SLC26A7: variants seen among roughly 807,000 people sequenced by gnomAD.
SLC26A7 encodes anion exchange transporter.
Under a neutral mutation model 82.5 loss-of-function variants are expected in SLC26A7, and 59 were observed. The ratio of observed to expected loss-of-function variants is 0.72; its 90% CI spans 0.58 to 0.89. SLC26A7 has a LOEUF of 0.89. Ranked by LOEUF, SLC26A7 falls within the 40% of genes least tolerant of loss-of-function variation. The probability of loss-of-function intolerance (pLI) is 0.00; values close to 1 mark genes in which losing one functional copy is unlikely to be tolerated. For missense variants in SLC26A7, 820 were observed against 793.0 expected, an observed-to-expected ratio of 1.03 and a Z score of -0.41; for synonymous variants, 271 against 274.3, an observed-to-expected ratio of 0.99 and a Z score of 0.12.
At chr8:91,282,626 C>G (rs1811604184) in intron 2 of SLC26A7, among the ~76,000 whole-genome samples, 1 of 152,164 alleles carries the variant, frequency 6.6e-6, no homozygotes, top group African/African-American at 2.4e-5. Flanking sequence ...CCAACTCTAA[C>G]CTGATTGTAG....
chr8:91,360,849 T>A (rs1292142713), intron 11 of SLC26A7, among the ~76,000 whole-genome samples: 1 of 152,132 alleles, frequency 6.6e-6, no homozygotes, highest in Admixed American at 6.6e-5. Flanking sequence ...AGAGTCATCA[T>A]GGGAAGCTAA....
rs138959010 is a variant in SLC26A7 at position 91,394,611 on chromosome 8, G to A, written c.1936-451G>A. The stretch of plus-strand genomic sequence containing the variant: ...ATTGTTTTGCCTTTCCTCACCCCTA[G>A]AATAACATTTGGTGCCTCGCAGAGT... On this transcript the variant is annotated intron_variant, in intron 18 of 18. Coordinates refer to ENST00000276609, the MANE Select transcript of SLC26A7 (RefSeq NM_052832.4). 156 of 1,157,894 alleles carry A rather than the reference G, an allele frequency of 1.3e-4. 2 individuals are homozygous for A. In the East Asian group the frequency reaches 7.7e-3, roughly 57 times the overall value. 71.7% of individuals were successfully genotyped at this position (1,157,894 alleles called of 1,614,324 possible).
At chr8:91,302,048 A>T (rs1203438327) in intron 4 of SLC26A7, among the ~76,000 whole-genome samples, 1 of 151,952 alleles carries the variant, frequency 6.6e-6, no homozygotes, top group Non-Finnish European at 1.5e-5. Flanking sequence ...GTGTTATTTC[A>T]TTGCAGTCAG....
chr8:91,323,679 T>C (rs2130815692), intron 5 of SLC26A7, among the ~76,000 whole-genome samples: 1 of 152,306 alleles, frequency 6.6e-6, no homozygotes, highest in South Asian at 2.1e-4. Context: ...AGTTATTGAT[T>C]AGAAATTGGG....
chr8:91,378,345 A>G (rs1217014991), intron 15 of SLC26A7, among the ~76,000 whole-genome samples: 1 of 147,760 alleles, frequency 6.8e-6, no homozygotes, highest in Non-Finnish European at 1.5e-5. Flanking sequence ...TGAAATATAT[A>G]ATTACATTAT....
At chr8:91,260,240 G>A (rs1353152976) in intron 2 of SLC26A7, among the ~76,000 whole-genome samples, 1 of 152,100 alleles carries the variant, frequency 6.6e-6, no homozygotes, top group Admixed American at 6.6e-5. Context: ...AAGGCAGCAG[G>A]AGAGAGAAGA....
chr8:91,341,646 T>C lies in SLC26A7; in HGVS notation c.1026+1095T>C, dbSNP rs554167668. ...GTACAAGTGATAAAATGGTGAGCAA[T>C]GCAGACCATGTCTTTCTTTTACTCG... On this transcript the variant is annotated intron_variant, in intron 8 of 18. Transcript: ENST00000276609. Among the ~76,000 whole-genome samples, 10 of 152,318 alleles carry C rather than the reference T, an allele frequency of 6.6e-5. No individual in the cohort carries two copies. In the South Asian group the frequency reaches 1.7e-3, roughly 25 times the overall value.
At position 91,285,796 on chromosome 8, in the gene SLC26A7, A is replaced by G. The variant is rs148715888; in HGVS notation, c.194-3340A>G. Among the ~76,000 whole-genome samples, 1,012 of 152,314 alleles carry G rather than the reference A, an allele frequency of 6.6e-3. 7 individuals are homozygous for G. Among genetic ancestry groups the G allele is most frequent in the Non-Finnish European group, 9.4e-3 (637 of 68,014 alleles). The stretch of plus-strand genomic sequence containing the variant: ...AGTGCTTCTAAGTCCTAGCTGTCTG[A>G]TCTTACAATAAAAAGGTAAGGCTGC... On this transcript the variant is annotated intron_variant, in intron 2 of 18. Coordinates refer to ENST00000276609, the MANE Select transcript of SLC26A7 (RefSeq NM_052832.4).
chr8:91,211,723 G>T (rs536085779), intron 1 of SLC26A7, among the ~76,000 whole-genome samples: 1 of 151,052 alleles, frequency 6.6e-6, no homozygotes, highest in East Asian at 1.9e-4. Context: ...GACCTTTAGA[G>T]CAAATACTTT....
intron 1 of SLC26A7, 35 bp from the exon 2 acceptor site, chr8:91,249,504 T>TCC: frequency 2.0e-6 from 1 of 498,402 alleles, no homozygotes; most frequent in Non-Finnish European, 3.4e-6. Flanking sequence ...AATCTCTCTC[T>TCC]CTCTCTCTCT....
rs374558658 is a variant in SLC26A7 at position 91,393,960 on chromosome 8, A to G, written c.1856A>G (p.Tyr619Cys). ...CTASLIKAMTYYGNLDSEKPI... is the reference protein window; with the variant it reads ...CTASLIKAMTCYGNLDSEKPI... ...GCTTCCTTGATAAAAGCAATGACGT[A>G]TTATGGAAACCTAGACTCAGAGAAA... Residue 619 changes from tyrosine to cysteine, a missense_variant, in exon 18 of 19, where the codon TAT becomes TGT. Coordinates refer to ENST00000276609, the MANE Select transcript of SLC26A7 (RefSeq NM_052832.4). 1.1e-5 allele frequency: 18 copies of G among 1,613,636 alleles called. No individual in the cohort carries two copies. The African/African-American group carries it at 2.3e-4, about 20-fold the overall frequency.
At chr8:91,355,309 C>T (rs908529526) in intron 11 of SLC26A7, among the ~76,000 whole-genome samples, 4 of 152,094 alleles carry the variant, frequency 2.6e-5, no homozygotes, top group Non-Finnish European at 2.9e-5. Context: ...ATCTTTTGAT[C>T]GCATAATCAG....
intron 2 of SLC26A7, among the ~76,000 whole-genome samples, chr8:91,266,113 A>G (rs1446859809): frequency 1.3e-5 from 2 of 151,570 alleles, no homozygotes; most frequent in South Asian, 2.1e-4. Flanking sequence ...TGATTTTTGT[A>G]TATTATGTTG....
chr8:91,210,744 C>CATA (rs770122562), intron 1 of SLC26A7, among the ~76,000 whole-genome samples: 44 of 151,972 alleles, frequency 2.9e-4, no homozygotes, highest in Non-Finnish European at 6.2e-4. Context: ...AAAACAGCAA[C>CATA]ATAATGGCAT....
At chr8:91,245,572 G>A (rs900946237), upstream of SLC26A7, among the ~76,000 whole-genome samples, 1 of 152,022 alleles carries the variant, frequency 6.6e-6, no homozygotes, top group South Asian at 2.1e-4. Flanking sequence ...TCAACTTCCT[G>A]AGGTAGGTAT....
Position 91,354,071 on chromosome 8 carries a change from T to TA in SLC26A7, c.1314+1076dup, listed in dbSNP as rs530036530. On this transcript the variant is annotated intron_variant, in intron 11 of 18. Transcript: ENST00000276609. The stretch of plus-strand genomic sequence containing the variant: ...TGAGACTTGAAGGAACAGTATTTTG[T>TA]AGGCAGAACAAAAGGCCAAAATTAA... Among the ~76,000 whole-genome samples, 384 of 152,200 alleles carry TA rather than the reference T, an allele frequency of 2.5e-3. 1 individual carries two copies. Among genetic ancestry groups the TA allele is most frequent in the African/African-American group, 8.8e-3 (364 of 41,570 alleles).
chr8:91,284,667 T>G (rs1322539638), intron 2 of SLC26A7, among the ~76,000 whole-genome samples: 1 of 152,180 alleles, frequency 6.6e-6, no homozygotes, highest in Non-Finnish European at 1.5e-5. Flanking sequence ...CTTTAACTCT[T>G]ACATCTGAGT....
intron 5 of SLC26A7, among the ~76,000 whole-genome samples, chr8:91,333,519 A>G (rs7459480): frequency 0.82 from 124,528 of 152,034 alleles, 51,102 homozygotes; most frequent in Middle Eastern, 0.9. Flanking sequence ...AGGTTTCTTC[A>G]TTTACCCCCT....
At chr8:91,301,342 G>T (rs1812159335) in intron 4 of SLC26A7, among the ~76,000 whole-genome samples, 1 of 152,012 alleles carries the variant, frequency 6.6e-6, no homozygotes. Flanking sequence ...AAATAATGTT[G>T]CCTGGTGCTC....
Sources: gnomAD v4.1 joint callset for allele counts (sites outside exome capture counted in the v4.1 genomes callset) on GRCh38, gnomAD v4.1.1 for gene constraint, MANE v1.5 for transcripts, NCBI Gene and HGNC (gene_info 2026-07-23, HGNC 2026-07-21) for gene names.